Variants in SCHIP1 observed in about 807,000 individuals in gnomAD.
SCHIP1 encodes schwannomin interacting protein 1.
In SCHIP1, 8 loss-of-function variants were observed where a neutral mutation model predicts 29.7. That is an observed-to-expected ratio of 0.27 (90% confidence interval 0.16 to 0.49). The LOEUF is 0.49. Ranked by LOEUF, SCHIP1 falls within the 20% of genes least tolerant of loss-of-function variation. The pLI, the probability that SCHIP1 is intolerant of heterozygous loss-of-function variation, is 0.99. For missense variants in SCHIP1, 193 were observed against 294.6 expected, an observed-to-expected ratio of 0.66 and a Z score of 2.52; for synonymous variants, 76 against 94.9, an observed-to-expected ratio of 0.80 and a Z score of 1.16.
At chr3:159,802,257 C>T in the SCHIP1 span, among the ~76,000 whole-genome samples, 1 of 152,216 alleles carries the variant, frequency 6.6e-6, no homozygotes, top group Non-Finnish European at 1.5e-5. Flanking sequence ...GGTTAAGTCA[C>T]TTACCAAGGT....
chr3:159,643,939 C>T, the SCHIP1 span, among the ~76,000 whole-genome samples: 4 of 152,086 alleles, frequency 2.6e-5, no homozygotes, highest in African/African-American at 7.2e-5. Flanking sequence ...CACCACTCAT[C>T]GTCAACCCTA....
chr3:159,767,010 C>G, the SCHIP1 span, among the ~76,000 whole-genome samples: 1 of 152,174 alleles, frequency 6.6e-6, no homozygotes, highest in Non-Finnish European at 1.5e-5. Flanking sequence ...TTCCAGCTTT[C>G]CTGGAAATGC....
At chr3:159,757,556 G>A in the SCHIP1 span, among the ~76,000 whole-genome samples, 8 of 152,184 alleles carry the variant, frequency 5.3e-5, no homozygotes, top group African/African-American at 1.9e-4. Flanking sequence ...CTCAGACCTG[G>A]AACTCCCTGT....
At chr3:159,664,455 CCATA>C in the SCHIP1 span, among the ~76,000 whole-genome samples, 4 of 148,326 alleles carry the variant, frequency 2.7e-5, no homozygotes, top group Non-Finnish European at 5.9e-5. Flanking sequence ...AAATGAACAG[CCATA>C]GTTTTTTTTT....
the SCHIP1 span, among the ~76,000 whole-genome samples, chr3:159,716,258 C>T: frequency 6.6e-6 from 1 of 152,160 alleles, no homozygotes; most frequent in Non-Finnish European, 1.5e-5. Context: ...AAGCACTAAA[C>T]ATGGAAAGGA....
the SCHIP1 span, among the ~76,000 whole-genome samples, chr3:159,421,973 C>G: frequency 6.6e-6 from 1 of 152,148 alleles, no homozygotes; most frequent in Non-Finnish European, 1.5e-5. Context: ...GTGAAAAAAA[C>G]TTAAATAAAG....
chr3:159,573,697 A>G, the SCHIP1 span, among the ~76,000 whole-genome samples: 2 of 152,222 alleles, frequency 1.3e-5, no homozygotes, highest in Non-Finnish European at 2.9e-5. Context: ...ACTATCCTGC[A>G]GAGTGTGTTC....
the SCHIP1 span, among the ~76,000 whole-genome samples, chr3:159,389,161 C>T: frequency 6.6e-6 from 1 of 151,692 alleles, no homozygotes; most frequent in Admixed American, 6.6e-5. Flanking sequence ...GAAAAGGCTC[C>T]TAAAATTCAT....
At chr3:159,391,634 A>C in the SCHIP1 span, among the ~76,000 whole-genome samples, 609 of 152,330 alleles carry the variant, frequency 4.0e-3, 2 homozygotes, top group African/African-American at 0.014. Flanking sequence ...ACAAGAATTT[A>C]TTGAATCAAT....
At chr3:159,788,392 T>G in the SCHIP1 span, among the ~76,000 whole-genome samples, 2 of 152,174 alleles carry the variant, frequency 1.3e-5, no homozygotes, top group African/African-American at 4.8e-5. Flanking sequence ...GGCCTGTGGA[T>G]AGAAACAAAG....
At chr3:159,481,211 C>A in the SCHIP1 span, among the ~76,000 whole-genome samples, 1 of 152,310 alleles carries the variant, frequency 6.6e-6, no homozygotes, top group East Asian at 1.9e-4. Flanking sequence ...CCCAGACCTA[C>A]TAAATCAGAA....
At chr3:159,678,768 C>A in the SCHIP1 span, among the ~76,000 whole-genome samples, 1 of 152,140 alleles carries the variant, frequency 6.6e-6, no homozygotes, top group Non-Finnish European at 1.5e-5. Context: ...GCCGGGGAGG[C>A]CTCAGAAAAC....
the SCHIP1 span, among the ~76,000 whole-genome samples, chr3:159,668,127 T>C: frequency 1.3e-5 from 2 of 151,946 alleles, no homozygotes; most frequent in South Asian, 2.1e-4. Flanking sequence ...CCCAGCACTT[T>C]GGGAGGCTGA....
chr3:159,788,706 A>G, the SCHIP1 span, among the ~76,000 whole-genome samples: 1 of 152,224 alleles, frequency 6.6e-6, no homozygotes, highest in African/African-American at 2.4e-5. Flanking sequence ...GGCACTGAGC[A>G]TACAGTGCTA....
intron 5 of SCHIP1, among the ~76,000 whole-genome samples, chr3:159,891,684 C>T (rs1296894165): frequency 1.3e-5 from 2 of 152,134 alleles, no homozygotes; most frequent in African/African-American, 2.4e-5. Flanking sequence ...TTCAGCTGGG[C>T]ATCTAATGTA....
chr3:159,359,714 A>G, the SCHIP1 span, among the ~76,000 whole-genome samples: 1 of 152,242 alleles, frequency 6.6e-6, no homozygotes, highest in East Asian at 1.9e-4. Flanking sequence ...TATGCTTCAA[A>G]CCAATAATGA....
chr3:159,393,982 T>C, the SCHIP1 span, among the ~76,000 whole-genome samples: 1 of 152,072 alleles, frequency 6.6e-6, no homozygotes, highest in African/African-American at 2.4e-5. Context: ...TATCCTCTTT[T>C]ATCTCATTGA....
At chr3:159,793,099 C>T in the SCHIP1 span, among the ~76,000 whole-genome samples, 5 of 152,064 alleles carry the variant, frequency 3.3e-5, no homozygotes, top group African/African-American at 4.8e-5. Context: ...TGTTAATATG[C>T]GACAGGATTC....
chr3:159,641,145 A>T, the SCHIP1 span, among the ~76,000 whole-genome samples: 1 of 152,212 alleles, frequency 6.6e-6, no homozygotes, highest in Admixed American at 6.5e-5. Context: ...TGTAATAGCC[A>T]TTCAATAGGT....
Sources: gnomAD v4.1 joint callset for allele counts (sites outside exome capture counted in the v4.1 genomes callset) on GRCh38, gnomAD v4.1.1 for gene constraint, MANE v1.5 for transcripts, NCBI Gene and HGNC (gene_info 2026-07-23, HGNC 2026-07-21) for gene names.